Variants in ZNF780B observed in about 807,000 individuals in gnomAD.
ZNF780B encodes zinc finger protein 780B.
Under a neutral mutation model 74.1 loss-of-function variants are expected in ZNF780B, and 52 were observed. The observed-to-expected ratio is 0.70, with a 90% CI of 0.56 to 0.88. The LOEUF is 0.88. ZNF780B is among the 40% of genes least tolerant of loss of function. The pLI, the probability that ZNF780B is intolerant of heterozygous loss-of-function variation, is 0.00. For missense variants in ZNF780B, 953 were observed against 1,007.6 expected, an observed-to-expected ratio of 0.95 and a Z score of 0.73; for synonymous variants, 315 against 324.3, an observed-to-expected ratio of 0.97 and a Z score of 0.31.
rs573427042 is a variant in ZNF780B, at chr19:40,033,285, T to C, written c.*1072A>G. 1.9e-5 allele frequency: 3 copies of C among 155,086 alleles called. No individual in the cohort carries two copies. The East Asian group carries it at 5.8e-4, about 30-fold the overall frequency. The allele number at this position is 155,086 out of a possible 1,614,324, so 9.6% of individuals were successfully genotyped here. ...TGGAAAATGGTGCTGATAGACTTAT[T>C]CACTGCAAGGTTGCTGCAAACCTTC... is the stretch of plus-strand genomic sequence containing the variant. On this transcript the variant is annotated 3_prime_UTR_variant, in exon 5 of 5. Coordinates refer to ENST00000434248, the MANE Select transcript of ZNF780B (RefSeq NM_001005851.3).
Position 40,035,628 on chromosome 19 carries a change from G to T in ZNF780B, c.1231C>A (p.His411Asn), listed in dbSNP as rs746672170. 3.1e-6 allele frequency: 5 copies of T among 1,613,736 alleles called. No individual in the cohort carries two copies. Among genetic ancestry groups the T allele is most frequent in the East Asian group, 4.5e-5 (2 of 44,836 alleles). The change falls in exon 5 of 5, where the codon CAT (histidine) becomes AAT (asparagine). Residue 411 changes from histidine (H) to asparagine (N), a missense_variant. Coordinates refer to ENST00000434248, the MANE Select transcript of ZNF780B (RefSeq NM_001005851.3). ...SSNLIQHQSI[H>N]ADVKPYECKE... ...CATTCATATGGTTTTACATCAGCAT[G>T]AATACTCTGGTGTTGAATAAGGTTT... is the stretch of plus-strand genomic sequence containing the variant.
At chr19:40,044,552 A>G (rs1972843039) in intron 4 of ZNF780B, among the ~76,000 whole-genome samples, 3 of 152,212 alleles carry the variant, frequency 2.0e-5, no homozygotes. Flanking sequence ...AAAAAGAAAT[A>G]GTCTTTCCCA....
intron 3 of ZNF780B, among the ~76,000 whole-genome samples, chr19:40,047,908 C>T (rs1351748265): frequency 2.0e-5 from 3 of 152,116 alleles, no homozygotes; most frequent in South Asian, 2.1e-4. Flanking sequence ...CTCACTCATA[C>T]GTAGTAGCAC....
Position 40,031,974 on chromosome 19 carries a change from T to C in ZNF780B, c.*2383A>G, listed in dbSNP as rs1011402246. The C allele has an allele frequency of 6.9e-6, 3 of 437,346 alleles. No homozygotes were observed. Among genetic ancestry groups the C allele is most frequent in the Non-Finnish European group, 1.4e-5 (3 of 221,106 alleles). 27.1% of individuals were successfully genotyped at this position (437,346 alleles called of 1,614,324 possible). On this transcript the variant is annotated 3_prime_UTR_variant, in exon 5 of 5. Coordinates refer to ENST00000434248, the MANE Select transcript of ZNF780B (RefSeq NM_001005851.3). ...ACTTAAATGTTTTCTGACAGTACAA[T>C]ATGACATAGAAATAACCTACAAAGT...
At chr19:40,037,258 T>A (rs1972384664) in intron 4 of ZNF780B, among the ~76,000 whole-genome samples, 1 of 151,424 alleles carries the variant, frequency 6.6e-6, no homozygotes, top group Non-Finnish European at 1.5e-5. Flanking sequence ...TCTCTCTCTG[T>A]TGCATAGGCT....
At chr19:40,045,586 G>A (rs1972897910) in intron 4 of ZNF780B, among the ~76,000 whole-genome samples, 1 of 152,110 alleles carries the variant, frequency 6.6e-6, no homozygotes, top group Non-Finnish European at 1.5e-5. Flanking sequence ...TCCCCCAACA[G>A]ACAAACAGAT....
chr19:40,040,859 C>T (rs1275362691), intron 4 of ZNF780B, among the ~76,000 whole-genome samples: 1 of 152,082 alleles, frequency 6.6e-6, no homozygotes, highest in African/African-American at 2.4e-5. Context: ...TTCAAAAGAC[C>T]AGCTCCTGGA....
intron 1 of ZNF780B, among the ~76,000 whole-genome samples, chr19:40,054,801 C>T (rs1008905360): frequency 5.3e-5 from 8 of 152,188 alleles, no homozygotes; most frequent in African/African-American, 1.9e-4. Context: ...CATTCCAACC[C>T]AGATACTCTG....
intron 3 of ZNF780B, 73 bp from the exon 4 acceptor site, chr19:40,047,543 A>G: frequency 1.0e-6 from 1 of 978,406 alleles, no homozygotes; most frequent in Non-Finnish European, 1.5e-6. Context: ...GACCTAGTTA[A>G]ACTTATAATA....
In ZNF780B at chr19:40,036,383, T is replaced by C; in HGVS notation, c.476A>G (p.His159Arg). The stretch of plus-strand genomic sequence containing the variant: ...ACATTCATATGGTTTATGTGTATTA[T>C]GAATAGGAGAAGCATGAGTATAAGC... ...MPAYTHASPI[H>R]NTHKPYECKE... Residue 159 changes from histidine to arginine, a missense_variant, in exon 5 of 5, where the codon CAT becomes CGT. By Grantham distance (29) the His-to-Arg change is conservative. Transcript: ENST00000434248. 6.2e-7 allele frequency: 1 copy of C among 1,611,318 alleles called. No homozygotes were observed.
chr19:40,034,192 C>T lies in ZNF780B; in HGVS notation c.*165G>A. On this transcript the variant is annotated 3_prime_UTR_variant, in exon 5 of 5. Transcript: ENST00000434248. ...CATTCTTCACATTGATATGGTTTCTCACCAGTATGAATTCTCTGATGTACT... is the reference window on the plus strand; with the variant it reads ...CATTCTTCACATTGATATGGTTTCTTACCAGTATGAATTCTCTGATGTACT... The T allele has an allele frequency of 5.8e-6, 4 of 692,890 alleles. No individual in the cohort carries two copies. The highest frequency in any genetic ancestry group is 1.0e-5 in the Non-Finnish European group (4 of 395,420). The allele number at this position is 692,890 out of a possible 1,614,324, so 42.9% of individuals were successfully genotyped here. A position where few individuals can be genotyped will look rare whatever the true frequency, so the allele number is the denominator to read the frequency against.
At chr19:40,050,223 A>G in intron 2 of ZNF780B, 101 bp downstream of exon 2, 1 of 978,220 alleles carries the variant, frequency 1.0e-6, no homozygotes, top group Non-Finnish European at 1.5e-6. Context: ...AAAAAAAAAA[A>G]TCGTGGATCC....
At chr19:40,042,327 C>G (rs1175251655) in intron 4 of ZNF780B, among the ~76,000 whole-genome samples, 6 of 152,138 alleles carry the variant, frequency 3.9e-5, no homozygotes, top group Non-Finnish European at 8.8e-5. Context: ...CTCTGGCTGC[C>G]CTTAACGTTT....
At position 40,034,465 on chromosome 19, in the gene ZNF780B, C is replaced by T. The variant is rs1972134693; in HGVS notation, c.2394G>A (p.Leu798=). The change falls in exon 5 of 5, where the codon CTG becomes CTA. Residue 798 remains leucine (L), a synonymous_variant. Coordinates refer to ENST00000434248, the MANE Select transcript of ZNF780B (RefSeq NM_001005851.3). ...TTCTCACCTGTACAAGTTTTTGATG[C>T]AGAGAAAGTTGTAGGTGAAGTCTAA... is the stretch of plus-strand genomic sequence containing the variant. ...KAFRLHLQLS[L]HQKLVQVRNP... is the part of the protein sequence containing the mutation. 1.2e-6 allele frequency: 2 copies of T among 1,613,608 alleles called. No individual in the cohort carries two copies. Among genetic ancestry groups the T allele is most frequent in the South Asian group, 2.2e-5 (2 of 91,058 alleles).
rs1432605245 is a variant in ZNF780B, at chr19:40,047,376, T to C, written c.231A>G (p.Pro77=). Residue 77 remains proline, a splice_region_variant and synonymous_variant, in exon 4 of 5, where the codon CCA becomes CCG. Coordinates refer to ENST00000434248, the MANE Select transcript of ZNF780B (RefSeq NM_001005851.3). The part of the protein sequence containing the change: ...VVSKETSRWY[P]DLESKYGPEK... ...CCTGCCTGCTTTACTCTCACTTACC[T>C]GGATACCATCTGCTTGTTTCTTTAC... 6.2e-7 allele frequency: 1 copy of C among 1,612,436 alleles called. No homozygotes were observed. The highest frequency in any genetic ancestry group is 8.5e-7 in the Non-Finnish European group (1 of 1,178,566).
Position 40,034,982 on chromosome 19 carries a change from G to C in ZNF780B, c.1877C>G (p.Thr626Ser), listed in dbSNP as rs777433835. 1.2e-6 allele frequency: 2 copies of C among 1,614,006 alleles called. No homozygotes were observed. Among genetic ancestry groups the C allele is most frequent in the East Asian group, 2.2e-5 (1 of 44,868 alleles). The change falls in exon 5 of 5, where the codon ACC (threonine) becomes AGC (serine). Residue 626 changes from threonine to serine, a missense_variant. By Grantham distance (58) the Thr-to-Ser change is moderately conservative. Coordinates refer to ENST00000434248, the MANE Select transcript of ZNF780B (RefSeq NM_001005851.3). The part of the protein sequence containing the change: ...KECGKAFSLH[T>S]QLNHHKNIHT... Reference sequence around the variant, plus strand: ...AATGTTCTTATGGTGATTAAGCTGGGTGTGAAGACTGAAGGCCTTGCCACA... The same window carrying C: ...AATGTTCTTATGGTGATTAAGCTGGCTGTGAAGACTGAAGGCCTTGCCACA...
chr19:40,050,431 T>C (rs1973164836), intron 1 of ZNF780B, 54 bp from the exon 2 acceptor site: 1 of 1,451,446 alleles, frequency 6.9e-7, no homozygotes, highest in Middle Eastern at 1.7e-4. Flanking sequence ...CCGAAAGCAC[T>C]AGAACGAATA....
In ZNF780B at chr19:40,036,147, G is replaced by A. The variant is rs375599840; in HGVS notation, c.712C>T (p.Arg238Cys). The part of the protein sequence containing the change: ...KAFNLPTQLN[R>C]HKNIHTVKKL... Reference sequence around the variant, plus strand: ...TTAACTGTGTGAATGTTCTTATGGCGATTAAGCTGGGTGGGAAGATTAAAG... The same window carrying A: ...TTAACTGTGTGAATGTTCTTATGGCAATTAAGCTGGGTGGGAAGATTAAAG... The change falls in exon 5 of 5, where the codon CGC (arginine) becomes TGC (cysteine). Residue 238 changes from arginine (R) to cysteine (C), a missense_variant. Physicochemically the swap from Arg to Cys is radical, Grantham distance 180. Transcript: ENST00000434248. The A allele has an allele frequency of 2.6e-5, 42 of 1,613,852 alleles. No individual in the cohort carries two copies. The African/African-American group carries it at 3.2e-4, about 12-fold the overall frequency.
intron 3 of ZNF780B, 70 bp downstream of exon 3, chr19:40,048,600 G>A: frequency 6.8e-6 from 11 of 1,611,110 alleles, no homozygotes; most frequent in Non-Finnish European, 9.3e-6. Context: ...AGACAGCCCT[G>A]AAACTCATGA....
Sources: gnomAD v4.1 joint callset for allele counts (sites outside exome capture counted in the v4.1 genomes callset) on GRCh38, gnomAD v4.1.1 for gene constraint, MANE v1.5 for transcripts, NCBI Gene and HGNC (gene_info 2026-07-23, HGNC 2026-07-21) for gene names.